STK32B: variants seen among roughly 807,000 people sequenced by gnomAD.
STK32B encodes the protein serine/threonine-protein kinase 32B.
A neutral mutation model predicts 52.6 loss-of-function variants in STK32B; 43 were observed. The observed-to-expected ratio is 0.82, with a 90% CI of 0.64 to 1.05. The LOEUF (loss-of-function observed/expected upper bound fraction) is 1.05. Among genes scored for constraint, STK32B ranks in the 50% least tolerant of loss-of-function variants. The pLI is 0.00. For synonymous variants in STK32B, 238 were observed against 204.3 expected (o/e 1.17, Z -1.41); for missense variants, 621 against 534.6 (o/e 1.16, Z -1.59).
chr4:5,481,592 G>T (rs1466343542), intron 11 of STK32B, among the ~76,000 whole-genome samples: 2 of 152,150 alleles, frequency 1.3e-5, no homozygotes, highest in African/African-American at 4.8e-5. Flanking sequence ...AGTTTAATTA[G>T]ATGCCATTTG....
rs1405077664 is a variant in STK32B at position 5,467,613 on chromosome 4, A to C, written c.1042-393A>C. Among the ~76,000 whole-genome samples, 1 of 152,120 alleles carries C rather than the reference A, an allele frequency of 6.6e-6. No homozygotes were observed. Among genetic ancestry groups the C allele is most frequent in the African/African-American group, 2.4e-5 (1 of 41,422 alleles). On this transcript the variant is annotated intron_variant, in intron 10 of 11. Coordinates refer to ENST00000282908, the MANE Select transcript of STK32B (RefSeq NM_018401.3). This position sits in a 1 kb window ranked among gnomAD's most constrained non-coding sequence, Gnocchi z 5.8. ...GGCTGGGACTCAAGATACCTTTCAG[A>C]GGACACAATTCAACACACAACACCC...
intron 9 of STK32B, 67 bp from the exon 10 acceptor site, chr4:5,466,636 A>G: frequency 6.5e-7 from 1 of 1,532,230 alleles, no homozygotes; most frequent in Non-Finnish European, 8.8e-7. Context: ...GGTTGAATTA[A>G]TGAAAAGAAA....
intron 1 of STK32B, among the ~76,000 whole-genome samples, chr4:5,122,431 T>G (rs922927722): frequency 6.7e-6 from 1 of 148,928 alleles, no homozygotes; most frequent in Admixed American, 6.6e-5. Context: ...CTCATTAACC[T>G]ACTTCACTCA....
chr4:5,486,249 C>A (rs1271437133), intron 11 of STK32B, among the ~76,000 whole-genome samples: 1 of 152,176 alleles, frequency 6.6e-6, no homozygotes, highest in African/African-American at 2.4e-5. Flanking sequence ...TTCGAGCTTC[C>A]CAGCCTCTTT....
At chr4:5,039,909 C>A in the STK32B span, among the ~76,000 whole-genome samples, 5 of 152,208 alleles carry the variant, frequency 3.3e-5, no homozygotes, top group Admixed American at 3.3e-4. Context: ...CAGTGTCTAT[C>A]CTCTCTTAAC....
At chr4:5,481,072 A>T (rs1473045978) in intron 11 of STK32B, among the ~76,000 whole-genome samples, 1 of 152,182 alleles carries the variant, frequency 6.6e-6, no homozygotes, top group African/African-American at 2.4e-5. Flanking sequence ...AAGCAGCATG[A>T]TTTATAATCC....
intron 3 of STK32B, among the ~76,000 whole-genome samples, chr4:5,299,287 T>C (rs1345617443): frequency 1.3e-5 from 2 of 152,222 alleles, no homozygotes; most frequent in South Asian, 4.2e-4. Flanking sequence ...TAAAATCCTC[T>C]TTTAACAGTG....
At chr4:5,462,372 G>A (rs1223154132) in intron 9 of STK32B, among the ~76,000 whole-genome samples, 4 of 152,046 alleles carry the variant, frequency 2.6e-5, no homozygotes, top group Non-Finnish European at 4.4e-5. Context: ...ATATGTCTGT[G>A]TGTGCCTGTG....
At chr4:5,258,626 T>TC (rs1439814147) in intron 3 of STK32B, among the ~76,000 whole-genome samples, 1 of 152,144 alleles carries the variant, frequency 6.6e-6, no homozygotes, top group Admixed American at 6.5e-5. Flanking sequence ...CATGAAGAAA[T>TC]CTTGTCTCCT....
At chr4:5,466,571 G>A in intron 9 of STK32B, 132 bp from the exon 10 acceptor site, 2 of 1,207,102 alleles carry the variant, frequency 1.7e-6, no homozygotes, top group South Asian at 1.7e-5. Flanking sequence ...AGAAACAAAG[G>A]TAACCCGTGT....
rs1002457239 is a variant in STK32B at position 5,372,724 on chromosome 4, G to A, written c.435-25483G>A. 1.5e-3 allele frequency among the ~76,000 whole-genome samples: 233 copies of A among 150,562 alleles called. 4 individuals carry two copies. The highest frequency in any genetic ancestry group is 5.4e-3 in the African/African-American group (220 of 40,898). ...GTGGCCTCAGCAGGAGAAAGTTGGG[G>A]GGGGGGGCGGTTATTTCAGACTAAT... is the stretch of plus-strand genomic sequence containing the variant. On this transcript the variant is annotated intron_variant, in intron 4 of 11. Transcript: ENST00000282908.
intron 3 of STK32B, among the ~76,000 whole-genome samples, chr4:5,243,939 A>G (rs1436958702): frequency 6.6e-6 from 1 of 152,166 alleles, no homozygotes; most frequent in East Asian, 1.9e-4. Context: ...CCACTTGATC[A>G]TGGTGGATAA....
intron 11 of STK32B, among the ~76,000 whole-genome samples, chr4:5,484,474 A>G (rs1374553180): frequency 2.0e-5 from 3 of 152,008 alleles, no homozygotes; most frequent in South Asian, 2.1e-4. Context: ...TTTTGAGCCT[A>G]TGTGTGTCTC....
At chr4:5,353,705 G>T (rs1019470512) in intron 4 of STK32B, among the ~76,000 whole-genome samples, 1 of 152,168 alleles carries the variant, frequency 6.6e-6, no homozygotes, top group Non-Finnish European at 1.5e-5. Context: ...TCTTACCCCA[G>T]TTAGAATGAC....
chr4:5,096,419 C>T (rs1264343072), intron 1 of STK32B, among the ~76,000 whole-genome samples: 3 of 152,192 alleles, frequency 2.0e-5, no homozygotes, highest in Non-Finnish European at 4.4e-5. Context: ...TGGGAGTGGC[C>T]ATGCGAGCCA....
At chr4:5,176,442 T>TC (rs1719907625) in intron 3 of STK32B, among the ~76,000 whole-genome samples, 1 of 148,638 alleles carries the variant, frequency 6.7e-6, no homozygotes, top group South Asian at 2.2e-4. Context: ...CATCATCTTT[T>TC]TTTTTTTTTT....
chr4:5,093,951 T>G (rs981506507), intron 1 of STK32B, among the ~76,000 whole-genome samples: 1 of 152,204 alleles, frequency 6.6e-6, no homozygotes, highest in African/African-American at 2.4e-5. Flanking sequence ...TTGCTTGATA[T>G]ATACCATAGA....
At chr4:5,140,485 A>G (rs12511127) in intron 2 of STK32B, among the ~76,000 whole-genome samples, 56,314 of 151,988 alleles carry the variant, frequency 0.37, 12,870 homozygotes, top group Non-Finnish European at 0.51. Flanking sequence ...ATTGAATGCC[A>G]GAGATATTCT....
chr4:5,229,710 C>G (rs921231140), intron 3 of STK32B, among the ~76,000 whole-genome samples: 1 of 151,974 alleles, frequency 6.6e-6, no homozygotes, highest in East Asian at 1.9e-4. Flanking sequence ...TGGTTTTAGG[C>G]AAATTTAAAA....
Sources: allele counts gnomAD v4.1 joint callset (sites outside exome capture counted in the v4.1 genomes callset), GRCh38; gene constraint gnomAD v4.1.1; non-coding constraint Gnocchi (gnomAD v3.1); transcripts MANE v1.5; gene names NCBI Gene and HGNC (gene_info 2026-07-23, HGNC 2026-07-21).